The following FGF14 variants were observed in gnomAD, a reference collection of about 807,000 sequenced individuals.
FGF14 encodes the protein fibroblast growth factor homologous factor 4.
Under a neutral mutation model 25.5 loss-of-function variants are expected in FGF14, and 5 were observed. That is an observed-to-expected ratio of 0.20 (90% CI 0.10 to 0.41). The LOEUF is 0.41. FGF14 is among the 10% of genes least tolerant of loss of function. The probability of loss-of-function intolerance (pLI) is 1.00; values close to 1 mark genes in which losing one functional copy is unlikely to be tolerated. For synonymous variants in FGF14, 138 were observed against 118.3 expected (o/e 1.17, Z -1.08); for missense variants, 222 against 320.1 (o/e 0.69, Z 2.34).
At chr13:102,168,480 A>C (rs1174770782) in intron 1 of FGF14, among the ~76,000 whole-genome samples, 1 of 152,014 alleles carries the variant, frequency 6.6e-6, no homozygotes, top group African/African-American at 2.4e-5. Flanking sequence ...CACCTAGCCT[A>C]ATTCTTTTCT....
At chr13:101,781,282 CTA>C (rs1271054399) in intron 3 of FGF14, among the ~76,000 whole-genome samples, 2 of 152,206 alleles carry the variant, frequency 1.3e-5, no homozygotes, top group African/African-American at 4.8e-5. Context: ...GCCTGAATTT[CTA>C]TGTATTTTCA....
At chr13:102,041,528 A>C (rs1275847923) in intron 1 of FGF14, among the ~76,000 whole-genome samples, 1 of 96,840 alleles carries the variant, frequency 1.0e-5, no homozygotes, top group East Asian at 4.4e-4. Context: ...TGAATTCCTT[A>C]AAAAAAAAAA....
chr13:101,949,026 T>C (rs1246405791), intron 1 of FGF14, among the ~76,000 whole-genome samples: 2 of 152,118 alleles, frequency 1.3e-5, no homozygotes, highest in Non-Finnish European at 2.9e-5. Context: ...TCCAGTTGTA[T>C]GGGTGTGTTG....
Position 102,370,704 on chromosome 13 carries a change from A to G in FGF14, c.208+30767T>C, listed in dbSNP as rs952466230. On this transcript the variant is annotated intron_variant, in intron 1 of 4. Coordinates refer to the FGF14 transcript ENST00000376131. Reference sequence around the variant, plus strand: ...TGGGTTTGCCAATGTGCATCCTGTTATTCTTATAATACCGACTAGATTTGT... The same window carrying G: ...TGGGTTTGCCAATGTGCATCCTGTTGTTCTTATAATACCGACTAGATTTGT... 3.9e-5 allele frequency among the ~76,000 whole-genome samples: 6 copies of G among 152,220 alleles called. 1 individual carries two copies. The highest frequency in any genetic ancestry group is 2.1e-4 in the South Asian group (1 of 4,820).
intron 1 of FGF14, among the ~76,000 whole-genome samples, chr13:101,933,947 T>C (rs1344588920): frequency 6.6e-6 from 1 of 152,192 alleles, no homozygotes; most frequent in Non-Finnish European, 1.5e-5. Context: ...CATGTATGTA[T>C]ATGTATAATT....
intron 1 of FGF14, among the ~76,000 whole-genome samples, chr13:102,221,621 CAA>C (rs1555381643): frequency 6.1e-4 from 42 of 69,304 alleles, no homozygotes; most frequent in African/African-American, 2.9e-3. Context: ...CACAAACACA[CAA>C]ACACACACAC....
intron 1 of FGF14, among the ~76,000 whole-genome samples, chr13:102,337,875 T>C (rs929961190): frequency 6.6e-6 from 1 of 152,182 alleles, no homozygotes. Context: ...AATTAATATG[T>C]GTACATTGCT....
chr13:102,200,011 GTTAA>G (rs1317178803), intron 1 of FGF14, among the ~76,000 whole-genome samples: 1 of 152,110 alleles, frequency 6.6e-6, no homozygotes, highest in Admixed American at 6.5e-5. Context: ...AGAGACAGGT[GTTAA>G]AATCCTGTTT....
intron 1 of FGF14, among the ~76,000 whole-genome samples, chr13:101,933,921 C>A (rs148572799): frequency 1.2e-4 from 19 of 152,024 alleles, no homozygotes; most frequent in African/African-American, 4.6e-4. Context: ...TATATGTATA[C>A]ACACATATAT....
chr13:102,047,313 TTAAGAA>T (rs1425951494), intron 1 of FGF14, among the ~76,000 whole-genome samples: 1 of 152,088 alleles, frequency 6.6e-6, no homozygotes, highest in Admixed American at 6.6e-5. Flanking sequence ...AAATTTTGGT[TTAAGAA>T]TAATAAGAAT....
intron 1 of FGF14, among the ~76,000 whole-genome samples, chr13:102,130,107 ATAT>A (rs1472294239): frequency 6.6e-6 from 1 of 152,194 alleles, no homozygotes; most frequent in African/African-American, 2.4e-5. Flanking sequence ...TTGTTGGCTA[ATAT>A]TATTACTATT....
chr13:102,161,627 AGAAGAAGAAGAAGAAG>A (rs1566764677), intron 1 of FGF14, among the ~76,000 whole-genome samples: 10 of 20,854 alleles, frequency 4.8e-4, no homozygotes, highest in Non-Finnish European at 5.9e-4. Context: ...AAGAAGAAGA[AGAAGAAGAAGAAGAAG>A]AAGAAGAAGA....
At chr13:101,750,179 C>CGT (rs2037178456) in intron 3 of FGF14, among the ~76,000 whole-genome samples, 1 of 152,090 alleles carries the variant, frequency 6.6e-6, no homozygotes, top group Non-Finnish European at 1.5e-5. Flanking sequence ...ATAGTATTTT[C>CGT]GTGTAGCAGC....
intron 1 of FGF14, among the ~76,000 whole-genome samples, chr13:102,344,009 T>C (rs966892415): frequency 2.6e-5 from 4 of 152,212 alleles, no homozygotes; most frequent in African/African-American, 7.2e-5. Flanking sequence ...AAGCTGCTTA[T>C]GTAATTCACA....
intron 1 of FGF14, among the ~76,000 whole-genome samples, chr13:102,305,234 G>T (rs2055308422): frequency 6.6e-6 from 1 of 151,914 alleles, no homozygotes; most frequent in African/African-American, 2.4e-5. Context: ...TCTGTCAGTA[G>T]AGCCCTAAAT....
chr13:102,105,034 C>T (rs549599502), intron 1 of FGF14, among the ~76,000 whole-genome samples: 3 of 152,298 alleles, frequency 2.0e-5, no homozygotes, highest in African/African-American at 7.2e-5. Context: ...ATGACTTATG[C>T]AAAGGAAAAT....
intron 1 of FGF14, among the ~76,000 whole-genome samples, chr13:101,943,605 C>T (rs887518878): frequency 3.9e-5 from 6 of 151,960 alleles, no homozygotes; most frequent in Non-Finnish European, 5.9e-5. Context: ...GTTTGAACCC[C>T]GACTCTGCCA....
chr13:101,950,618 A>G (rs1379115851), intron 1 of FGF14, among the ~76,000 whole-genome samples: 1 of 152,206 alleles, frequency 6.6e-6, no homozygotes, highest in Non-Finnish European at 1.5e-5. Context: ...CTGTTTGTGT[A>G]GTCACAACTT....
chr13:101,750,271 A>G (rs1440953528), intron 3 of FGF14, among the ~76,000 whole-genome samples: 1 of 152,142 alleles, frequency 6.6e-6, no homozygotes, highest in Non-Finnish European at 1.5e-5. Context: ...TTGTGCAACA[A>G]TGTTATGTAT....
Sources: allele counts gnomAD v4.1 joint callset (sites outside exome capture counted in the v4.1 genomes callset), GRCh38; gene constraint gnomAD v4.1.1; transcripts MANE v1.5; gene names NCBI Gene and HGNC (gene_info 2026-07-23, HGNC 2026-07-21).